Variants in PXMP4 observed in about 807,000 individuals in gnomAD.
PXMP4 encodes the protein peroxisomal membrane protein 4.
Under a neutral mutation model 21.6 loss-of-function variants are expected in PXMP4, and 16 were observed. The ratio of observed to expected loss-of-function variants is 0.74; its 90% CI spans 0.50 to 1.13. PXMP4 has a LOEUF of 1.13. Ranked by LOEUF, PXMP4 falls within the 50% of genes most tolerant of loss-of-function variation. The pLI, the probability that PXMP4 is intolerant of heterozygous loss-of-function variation, is 0.00. For missense variants in PXMP4, 240 were observed against 277.7 expected (o/e 0.86, Z 0.96); for synonymous variants, 127 against 123.8 (o/e 1.03, Z -0.17).
intron 3 of PXMP4, 45 bp downstream of exon 3, chr20:33,710,510 T>A: frequency 9.7e-7 from 1 of 1,033,430 alleles, no homozygotes; most frequent in Non-Finnish European, 1.3e-6. Context: ...ACCTCTGTGC[T>A]GAACCACGCC....
At chr20:33,710,778 C>G in intron 2 of PXMP4, 25 bp from the exon 3 acceptor site, 7 of 1,569,592 alleles carry the variant, frequency 4.5e-6, no homozygotes, top group Non-Finnish European at 6.1e-6. Context: ...GTGCCCCTGC[C>G]ATGAGTGCAG....
At chr20:33,714,574 G>A in intron 2 of PXMP4, 100 bp downstream of exon 2, 1 of 1,157,218 alleles carries the variant, frequency 8.6e-7, no homozygotes, top group Non-Finnish European at 1.3e-6. Flanking sequence ...AACTTTAGAA[G>A]GCGTGATGGG....
At chr20:33,709,776 A>T (rs943264132) in intron 3 of PXMP4, among the ~76,000 whole-genome samples, 2 of 9,984 alleles carry the variant, frequency 2.0e-4, no homozygotes, top group South Asian at 2.7e-3. Flanking sequence ...GCCCCTCCCC[A>T]CCCCCACCTC....
intron 1 of PXMP4, among the ~76,000 whole-genome samples, chr20:33,718,951 AGTGGCACAAT>A (rs749978484): frequency 1.3e-5 from 2 of 152,166 alleles, no homozygotes; most frequent in Non-Finnish European, 2.9e-5. Flanking sequence ...GCTGGAGTGC[AGTGGCACAAT>A]CTCAGCTCAC....
chr20:33,720,263 A>G lies in PXMP4; in HGVS notation c.-56T>C. On this transcript the variant is annotated 5_prime_UTR_variant, in exon 1 of 4. Coordinates refer to ENST00000409299, the MANE Select transcript of PXMP4 (RefSeq NM_007238.5). ...GAACTGTAAGCGCACTGACAGCCGG[A>G]GGTTCCAGCTGCGCGCCCACAGCCC... 5 of 1,493,864 alleles carry G rather than the reference A, an allele frequency of 3.3e-6. No homozygotes were observed. The highest frequency in any genetic ancestry group is 4.6e-6 in the Non-Finnish European group (5 of 1,094,222). 92.5% of individuals were successfully genotyped at this position (1,493,864 alleles called of 1,614,324 possible). A position where few individuals can be genotyped will look rare whatever the true frequency, so the allele number is the denominator to read the frequency against.
Position 33,707,738 on chromosome 20 carries a change from G to C in PXMP4, c.607C>G (p.Leu203Val). ...GAGGGACGGCTCTTGTTATAGACGA[G>C]GAAGTCTGAGATGTCGTGCCATACA... ...SNVWHDISDF[L>V]VYNKSRPSN The change falls in exon 4 of 4, where the codon CTC (leucine) becomes GTC (valine). Residue 203 changes from leucine to valine, a missense_variant. Leu to Val is a conservative substitution (Grantham distance 32, BLOSUM62 1). Coordinates refer to ENST00000409299, the MANE Select transcript of PXMP4 (RefSeq NM_007238.5). 1 of 1,614,150 alleles carries C rather than the reference G, an allele frequency of 6.2e-7. No homozygotes were observed. The highest frequency in any genetic ancestry group is 8.5e-7 in the Non-Finnish European group (1 of 1,180,020).
At chr20:33,712,389 T>TGCCCTTGGGTGGCCCTGCTCCC (rs1194583390) in intron 2 of PXMP4, among the ~76,000 whole-genome samples, 2 of 152,096 alleles carry the variant, frequency 1.3e-5, no homozygotes, top group Non-Finnish European at 2.9e-5. Context: ...AACCTGCTTC[T>TGCCCTTGGGTGGCCCTGCTCCC]GCCCTTGGGT....
intron 2 of PXMP4, among the ~76,000 whole-genome samples, chr20:33,712,027 G>C (rs2018332538): frequency 6.6e-6 from 1 of 150,836 alleles, no homozygotes; most frequent in Non-Finnish European, 1.5e-5. Flanking sequence ...GGATAACACA[G>C]AGAAGGAGCA....
rs541165275 is a variant in PXMP4 at position 33,718,498 on chromosome 20, G to A, written c.113+1597C>T. Among the ~76,000 whole-genome samples, 207 of 113,070 alleles carry A rather than the reference G, an allele frequency of 1.8e-3. 1 individual carries two copies. Among genetic ancestry groups the A allele is most frequent in the African/African-American group, 6.9e-3 (198 of 28,762 alleles). 74.2% of individuals were successfully genotyped at this position (113,070 alleles called of 152,430 possible). On this transcript the variant is annotated intron_variant, in intron 1 of 3. Transcript: ENST00000409299. ...TGCACTCCAGCCTGGGCAACAGAGC[G>A]ACACTCCATCTCAAAAAAAAAAAAA... is the stretch of plus-strand genomic sequence containing the variant.
At chr20:33,713,414 C>T (rs1453864610) in intron 2 of PXMP4, among the ~76,000 whole-genome samples, 2 of 152,166 alleles carry the variant, frequency 1.3e-5, no homozygotes, top group Non-Finnish European at 2.9e-5. Context: ...CTCATAGCGG[C>T]CTTCCCTATT....
intron 2 of PXMP4, 116 bp downstream of exon 2, chr20:33,714,558 G>C: frequency 9.7e-7 from 1 of 1,035,212 alleles, no homozygotes; most frequent in Non-Finnish European, 1.5e-6. Context: ...AACAAAAAAA[G>C]AGTTGAACTT....
chr20:33,714,703 C>T lies in PXMP4; in HGVS notation c.147G>A (p.Leu49=), dbSNP rs2018366138. Residue 49 remains leucine (L), a synonymous_variant, in exon 2 of 4, where the codon CTG becomes CTA. Coordinates refer to ENST00000409299, the MANE Select transcript of PXMP4 (RefSeq NM_007238.5). ...CATTCCGGAAGAGAAAGGTCATGAC[C>T]AGCGCGTGAGGGGCCCGGATTTTGG... ...YGAKIRAPHA[L]VMTFLFRNGS... is the part of the protein sequence containing the mutation. The T allele has an allele frequency of 1.9e-6, 3 of 1,614,090 alleles. No homozygotes were observed. The highest frequency in any genetic ancestry group is 2.5e-6 in the Non-Finnish European group (3 of 1,179,994).
At position 33,706,639 on chromosome 20, in the gene PXMP4, A is replaced by G. The variant is rs2018259511; in HGVS notation, c.*1067T>C. On this transcript the variant is annotated 3_prime_UTR_variant, in exon 4 of 4. Coordinates refer to ENST00000409299, the MANE Select transcript of PXMP4 (RefSeq NM_007238.5). ...ACACAGTGGGGGAGTGGGGACTCAA[A>G]CCCATGTCCTCTAGCTCTAGATCTG... 1 of 152,010 alleles carries G rather than the reference A, an allele frequency of 6.6e-6. No individual in the cohort carries two copies. The highest frequency in any genetic ancestry group is 2.4e-5 in the African/African-American group (1 of 41,390). 9.4% of individuals were successfully genotyped at this position (152,010 alleles called of 1,614,324 possible).
chr20:33,715,841 CTTTTT>C (rs11475452), intron 1 of PXMP4, among the ~76,000 whole-genome samples: 2 of 123,894 alleles, frequency 1.6e-5, no homozygotes, highest in Non-Finnish European at 1.7e-5. Flanking sequence ...CAGCCAGTCT[CTTTTT>C]TTTTTTTTTT....
At chr20:33,716,302 C>A (rs1283396564) in intron 1 of PXMP4, among the ~76,000 whole-genome samples, 1 of 152,148 alleles carries the variant, frequency 6.6e-6, no homozygotes, top group Non-Finnish European at 1.5e-5. Flanking sequence ...CCTACCTCAC[C>A]CCAGGGCCCT....
chr20:33,710,857 T>C lies in PXMP4; in HGVS notation c.177-104A>G, dbSNP rs927312888. On this transcript the variant is annotated intron_variant, in intron 2 of 3. Coordinates refer to ENST00000409299, the MANE Select transcript of PXMP4 (RefSeq NM_007238.5). Reference sequence around the variant, plus strand: ...CAACCAGCCAAGGAGCTCGGAGTAATGCTCATTCAGTCACCGGCCTCTACC... The same window carrying C: ...CAACCAGCCAAGGAGCTCGGAGTAACGCTCATTCAGTCACCGGCCTCTACC... 5 of 1,159,084 alleles carry C rather than the reference T, an allele frequency of 4.3e-6. No homozygotes were observed. In the African/African-American group the frequency reaches 4.7e-5, roughly 11 times the overall value. 71.8% of individuals were successfully genotyped at this position (1,159,084 alleles called of 1,614,324 possible).
intron 2 of PXMP4, among the ~76,000 whole-genome samples, chr20:33,711,693 AG>A (rs932570427): frequency 5.9e-5 from 9 of 152,182 alleles, no homozygotes; most frequent in Admixed American, 5.9e-4. Context: ...CCTTAAAAAA[AG>A]AAAAAATTAC....
intron 1 of PXMP4, 36 bp from the exon 2 acceptor site, chr20:33,714,772 A>G: frequency 6.3e-7 from 1 of 1,595,006 alleles, no homozygotes; most frequent in Non-Finnish European, 8.6e-7. Flanking sequence ...CTATAATGTC[A>G]CTGTGTCGCA....
Position 33,719,605 on chromosome 20 carries a change from G to T in PXMP4, c.113+490C>A, listed in dbSNP as rs534673761. 2.8e-4 allele frequency among the ~76,000 whole-genome samples: 43 copies of T among 152,330 alleles called. 1 individual carries two copies. Among genetic ancestry groups the T allele is most frequent in the African/African-American group, 9.9e-4 (41 of 41,564 alleles). ...TTACATTCATTGTCACGTCCCAGGA[G>T]CCCCCTGAGCCGAACGGGACTTAGC... On this transcript the variant is annotated intron_variant, in intron 1 of 3. Transcript: ENST00000409299.
Sources: allele counts gnomAD v4.1 joint callset (sites outside exome capture counted in the v4.1 genomes callset), GRCh38; gene constraint gnomAD v4.1.1; transcripts MANE v1.5; gene names NCBI Gene and HGNC (gene_info 2026-07-23, HGNC 2026-07-21).